Variants in DERA observed in about 807,000 individuals in gnomAD.
The protein encoded by DERA is deoxyribose-phosphate aldolase.
In DERA, 15 loss-of-function variants were observed where a neutral mutation model predicts 41.1. That is an observed-to-expected ratio of 0.37 (90% confidence interval 0.24 to 0.56). The LOEUF is 0.56. DERA is among the 20% of genes least tolerant of loss of function. The pLI, the probability that DERA is intolerant of heterozygous loss-of-function variation, is 0.81. For missense variants in DERA, 396 were observed against 403.4 expected (o/e 0.98, Z 0.16); for synonymous variants, 139 against 137.4 (o/e 1.01, Z -0.08).
At chr12:15,997,818 C>A (rs1948849321) in intron 6 of DERA, among the ~76,000 whole-genome samples, 1 of 152,160 alleles carries the variant, frequency 6.6e-6, no homozygotes, top group African/African-American at 2.4e-5. Flanking sequence ...AAGGTGTTTA[C>A]AAATTCATTG....
At position 16,012,452 on chromosome 12, in the gene DERA, C is replaced by T. The variant is rs1163629680; in HGVS notation, c.638-20090C>T. ...GGATTAGACATAAGGCATTCCAGGG[C>T]TGTGCTCCCCTGTCCCTTAAAGAGA... On this transcript the variant is annotated intron_variant, in intron 6 of 8. Coordinates refer to ENST00000428559, the MANE Select transcript of DERA (RefSeq NM_015954.4). This position sits in a 1 kb window ranked among gnomAD's most constrained non-coding sequence, Gnocchi z 4.1. Among the ~76,000 whole-genome samples the T allele has an allele frequency of 2.0e-5, 3 of 152,204 alleles. No homozygotes were observed. The highest frequency in any genetic ancestry group is 4.4e-5 in the Non-Finnish European group (3 of 68,038).
At chr12:15,978,148 G>C (rs1008962669) in intron 5 of DERA, among the ~76,000 whole-genome samples, 5 of 152,154 alleles carry the variant, frequency 3.3e-5, no homozygotes, top group Non-Finnish European at 5.9e-5. Flanking sequence ...TTACATTTCA[G>C]CCATCAAGCC....
At position 15,996,940 on chromosome 12, in the gene DERA, A is replaced by G. The variant is rs1452699530; in HGVS notation, c.637+14504A>G. On this transcript the variant is annotated intron_variant, in intron 6 of 8. Coordinates refer to ENST00000428559, the MANE Select transcript of DERA (RefSeq NM_015954.4). This position sits in a 1 kb window ranked among gnomAD's most constrained non-coding sequence, Gnocchi z 4.7. ...TTCTCAATGGGAGATTAATGACTAA[A>G]ATAAAGAATGAGGCATTAGGAGATA... Among the ~76,000 whole-genome samples, 1 of 152,216 alleles carries G rather than the reference A, an allele frequency of 6.6e-6. No individual in the cohort carries two copies. The highest frequency in any genetic ancestry group is 1.5e-5 in the Non-Finnish European group (1 of 68,036).
intron 1 of DERA, among the ~76,000 whole-genome samples, chr12:15,949,045 A>T (rs1363116347): frequency 2.6e-5 from 4 of 152,082 alleles, no homozygotes; most frequent in Non-Finnish European, 5.9e-5. Context: ...TTGCTGTCTG[A>T]TCGTTCCTCT....
intron 5 of DERA, among the ~76,000 whole-genome samples, chr12:15,964,108 C>A (rs549559469): frequency 2.6e-5 from 4 of 152,300 alleles, no homozygotes; most frequent in Non-Finnish European, 5.9e-5. Flanking sequence ...GTGGCTTCTG[C>A]TGTTAATGTC....
chr12:15,932,066 TCA>T (rs764660458), intron 1 of DERA, among the ~76,000 whole-genome samples: 1 of 152,218 alleles, frequency 6.6e-6, no homozygotes, highest in Non-Finnish European at 1.5e-5. Context: ...TTACCCAGTC[TCA>T]GTTATTCTTT....
chr12:15,976,690 A>T lies in DERA; in HGVS notation c.509-5618A>T, dbSNP rs2136158622. Among the ~76,000 whole-genome samples the T allele has an allele frequency of 6.6e-6, 1 of 152,366 alleles. No homozygotes were observed. The highest frequency in any genetic ancestry group is 2.1e-4 in the South Asian group (1 of 4,830). On this transcript the variant is annotated intron_variant, in intron 5 of 8. Transcript: ENST00000428559. This position sits in a 1 kb window ranked among gnomAD's most constrained non-coding sequence, Gnocchi z 4.1. ...TACGTGTGCTTATTATCAAAGGTGG[A>T]TCTGAAGGAAAAATGATTGATTACC...
intron 7 of DERA, among the ~76,000 whole-genome samples, chr12:16,034,832 A>G (rs1196475292): frequency 6.6e-6 from 1 of 152,218 alleles, no homozygotes; most frequent in Non-Finnish European, 1.5e-5. Context: ...ACTGTATAGG[A>G]AATCTGTAAG....
In DERA at chr12:15,941,558, G is replaced by A. The variant is rs1359302608; in HGVS notation, c.32-15378G>A. Among the ~76,000 whole-genome samples, 1 of 151,914 alleles carries A rather than the reference G, an allele frequency of 6.6e-6. No individual in the cohort carries two copies. Among genetic ancestry groups the A allele is most frequent in the South Asian group, 2.1e-4 (1 of 4,812 alleles). ...CTCTCCCGCTGAATCCTCAGAGTTC[G>A]CTATATCATCCTTATGCCTTTGTGT... On this transcript the variant is annotated intron_variant, in intron 1 of 8. Coordinates refer to ENST00000428559, the MANE Select transcript of DERA (RefSeq NM_015954.4). The surrounding 1 kb of genome is among the most constrained non-coding windows in gnomAD (Gnocchi z 4.5).
At chr12:15,926,571 C>T (rs1422599130) in intron 1 of DERA, among the ~76,000 whole-genome samples, 1 of 151,676 alleles carries the variant, frequency 6.6e-6, no homozygotes, top group African/African-American at 2.4e-5. Flanking sequence ...AGCGTCTCTA[C>T]TAAAAATACA....
At chr12:15,942,136 A>T (rs1565590167) in intron 1 of DERA, among the ~76,000 whole-genome samples, 1 of 152,128 alleles carries the variant, frequency 6.6e-6, no homozygotes, top group Non-Finnish European at 1.5e-5. Flanking sequence ...TTTTAAAAAT[A>T]TGTTTGTTGG....
rs1361916729 is a variant in DERA, at chr12:16,013,572, CT to C, written c.638-18967del. Among the ~76,000 whole-genome samples, 1 of 152,216 alleles carries C rather than the reference CT, an allele frequency of 6.6e-6. No homozygotes were observed. Among genetic ancestry groups the C allele is most frequent in the Non-Finnish European group, 1.5e-5 (1 of 68,040 alleles). On this transcript the variant is annotated intron_variant, in intron 6 of 8. Coordinates refer to ENST00000428559, the MANE Select transcript of DERA (RefSeq NM_015954.4). The surrounding 1 kb of genome is among the most constrained non-coding windows in gnomAD (Gnocchi z 5.8). The stretch of plus-strand genomic sequence containing the variant: ...GCTGAACTGTGAGTCAGTTAAACTT[CT>C]TTCCTTTATAAATTACCTAGTCTCA...
In DERA at chr12:15,923,045, C is replaced by T. The variant is rs1166295280; in HGVS notation, c.31+11631C>T. Among the ~76,000 whole-genome samples the T allele has an allele frequency of 1.4e-4, 15 of 106,702 alleles. No individual in the cohort carries two copies. The South Asian group carries it at 3.7e-3, about 27-fold the overall frequency. 70.0% of individuals were successfully genotyped at this position (106,702 alleles called of 152,430 possible). ...TTTTTTTTTTTTTTTTTTTTTGAGA[C>T]GGAGTCTCGCTCTGTCGCCCAGGCT... On this transcript the variant is annotated intron_variant, in intron 1 of 8. Coordinates refer to ENST00000428559, the MANE Select transcript of DERA (RefSeq NM_015954.4).
At position 16,036,985 on chromosome 12, in the gene DERA, G is replaced by A; in HGVS notation, c.*239G>A. ...AGATCTGCACTATTAACTTTGTGAA[G>A]AGTTTCTCCTAAAAACTTTAAGTAA... On this transcript the variant is annotated 3_prime_UTR_variant, in exon 9 of 9. Transcript: ENST00000428559. This position sits in a 1 kb window ranked among gnomAD's most constrained non-coding sequence, Gnocchi z 4.9. The A allele has an allele frequency of 2.3e-6, 1 of 434,776 alleles. No individual in the cohort carries two copies. Among genetic ancestry groups the A allele is most frequent in the Non-Finnish European group, 4.0e-6 (1 of 249,044 alleles). The allele number at this position is 434,776 out of a possible 1,614,324, so 26.9% of individuals were successfully genotyped here.
chr12:16,000,178 CTT>C lies in DERA; in HGVS notation c.637+17746_637+17747del, dbSNP rs1280404350. Among the ~76,000 whole-genome samples, 5 of 152,118 alleles carry C rather than the reference CTT, an allele frequency of 3.3e-5. No homozygotes were observed. The highest frequency in any genetic ancestry group is 7.4e-5 in the Non-Finnish European group (5 of 68,018). On this transcript the variant is annotated intron_variant, in intron 6 of 8. Coordinates refer to ENST00000428559, the MANE Select transcript of DERA (RefSeq NM_015954.4). This position sits in a 1 kb window ranked among gnomAD's most constrained non-coding sequence, Gnocchi z 4.8. ...GATAGGGAATTTAAGAGGACGAAGT[CTT>C]TTTCCCAGCCCAGGAACCAGCGCCT...
chr12:16,031,548 C>T (rs1222801615), intron 6 of DERA, among the ~76,000 whole-genome samples: 1 of 152,182 alleles, frequency 6.6e-6, no homozygotes, highest in Non-Finnish European at 1.5e-5. Flanking sequence ...TTTTTAACAA[C>T]CTCTGGTAGT....
In DERA at chr12:16,010,352, T is replaced by C. The variant is rs184135868; in HGVS notation, c.638-22190T>C. ...TTCTCCTTGCTTTCTCCTTGCCTCA[T>C]GTGTCTTCAGGAATTTGTGAATGAT... On this transcript the variant is annotated intron_variant, in intron 6 of 8. Transcript: ENST00000428559. The surrounding 1 kb of genome is among the most constrained non-coding windows in gnomAD (Gnocchi z 5.5). Among the ~76,000 whole-genome samples, 155 of 152,308 alleles carry C rather than the reference T, an allele frequency of 1.0e-3. 4 individuals are homozygous for C. Among genetic ancestry groups the C allele is most frequent in the Admixed American group, 0.01 (153 of 15,300 alleles).
At chr12:15,974,633 T>G (rs1473363030) in intron 5 of DERA, among the ~76,000 whole-genome samples, 9 of 152,220 alleles carry the variant, frequency 5.9e-5, no homozygotes, top group African/African-American at 1.9e-4. Flanking sequence ...ATTGTAAAAT[T>G]AATAAGTATT....
rs1253366940 is a variant in DERA, at chr12:15,998,505, T to C, written c.637+16069T>C. ...GCTAATTTTCTATTTTTAGTAGAGATGGGGTTTCTTCATATTGGCCAGGCT... is the reference window on the plus strand; with the variant it reads ...GCTAATTTTCTATTTTTAGTAGAGACGGGGTTTCTTCATATTGGCCAGGCT... On this transcript the variant is annotated intron_variant, in intron 6 of 8. Coordinates refer to ENST00000428559, the MANE Select transcript of DERA (RefSeq NM_015954.4). The surrounding 1 kb of genome is among the most constrained non-coding windows in gnomAD (Gnocchi z 4.8). Among the ~76,000 whole-genome samples, 7 of 151,948 alleles carry C rather than the reference T, an allele frequency of 4.6e-5. 1 individual carries two copies. Among genetic ancestry groups the C allele is most frequent in the Admixed American group, 1.3e-4 (2 of 15,270 alleles).
Sources: gnomAD v4.1 joint callset for allele counts (sites outside exome capture counted in the v4.1 genomes callset) on GRCh38, gnomAD v4.1.1 for gene constraint, Gnocchi (gnomAD v3.1) non-coding constraint, MANE v1.5 for transcripts, NCBI Gene and HGNC (gene_info 2026-07-23, HGNC 2026-07-21) for gene names.